Variants in GLOD4 observed in about 807,000 individuals in gnomAD.
GLOD4 encodes glyoxalase domain-containing protein 4.
GLOD4 carries 44 observed loss-of-function variants against 39.1 expected under a neutral mutation model. That is an observed-to-expected ratio of 1.13 (90% CI 0.88 to 1.45). The LOEUF is 1.45. GLOD4 is among the 40% of genes most tolerant of loss of function. GLOD4 has a pLI of 0.00. For synonymous variants in GLOD4, 145 were observed against 135.0 expected (o/e 1.07, Z -0.52); for missense variants, 405 against 366.4 (o/e 1.11, Z -0.86).
intron 4 of GLOD4, among the ~76,000 whole-genome samples, chr17:774,320 A>G (rs896099838): frequency 2.6e-5 from 4 of 152,198 alleles, no homozygotes; most frequent in African/African-American, 9.6e-5. Context: ...CCGACCAGTG[A>G]AGAAGGAGAA....
Position 759,852 on chromosome 17 carries a change from A to T in GLOD4, c.*321T>A, listed in dbSNP as rs1905169315. The T allele has an allele frequency of 3.4e-6, 1 of 293,182 alleles. No individual in the cohort carries two copies. Among genetic ancestry groups the T allele is most frequent in the South Asian group, 6.9e-5 (1 of 14,548 alleles). The allele number at this position is 293,182 out of a possible 1,614,324, so 18.2% of individuals were successfully genotyped here. On this transcript the variant is annotated 3_prime_UTR_variant, in exon 9 of 9. Transcript: ENST00000301329. ...TTCAGAGGTAACCCTAACTATCCGC[A>T]ATCCCAACCAAAGTCATGTTCATGC...
intron 8 of GLOD4, among the ~76,000 whole-genome samples, chr17:760,912 C>A (rs1360149046): frequency 2.0e-5 from 3 of 152,152 alleles, no homozygotes; most frequent in African/African-American, 4.8e-5. Flanking sequence ...CAGAGTGGGA[C>A]CCCGTCTCAT....
intron 4 of GLOD4, among the ~76,000 whole-genome samples, chr17:775,023 T>C (rs1908651334): frequency 6.7e-6 from 1 of 150,318 alleles, no homozygotes; most frequent in Non-Finnish European, 1.5e-5. Context: ...TGAGCCGAGA[T>C]TGCAGCACTG....
At chr17:760,931 A>T (rs1905314962) in intron 8 of GLOD4, among the ~76,000 whole-genome samples, 2 of 152,220 alleles carry the variant, frequency 1.3e-5, no homozygotes, top group Non-Finnish European at 2.9e-5. Context: ...ATATACATAC[A>T]TACAGATACA....
chr17:770,682 T>C, intron 5 of GLOD4, 175 bp from the exon 6 acceptor site: 1 of 480,830 alleles, frequency 2.1e-6, no homozygotes, highest in Non-Finnish European at 3.7e-6. Flanking sequence ...CTAGAAGCAC[T>C]GCACGCATCT....
rs148496651 is a variant in GLOD4, at chr17:770,429, G to C, written c.622C>G (p.Gln208Glu). The C allele has an allele frequency of 6.5e-7, 1 of 1,527,776 alleles. No homozygotes were observed. The highest frequency in any genetic ancestry group is 9.1e-7 in the Non-Finnish European group (1 of 1,101,246). 94.6% of individuals were successfully genotyped at this position (1,527,776 alleles called of 1,614,324 possible). The stretch of plus-strand genomic sequence containing the variant: ...CTGGTATCAAGCGTTACCTCTTTCT[G>C]GGGGCAAGAGAAGGCAATTCTTCCA... ...AFGRIAFSCP[Q>E]KELPDLEDLM... is the part of the protein sequence containing the mutation. The change falls in exon 6 of 9, where the codon CAG (glutamine) becomes GAG (glutamate). Residue 208 changes from glutamine (Q) to glutamate (E), a missense_variant. Transcript: ENST00000301329.
At chr17:766,816 T>G (rs1423099399) in intron 8 of GLOD4, among the ~76,000 whole-genome samples, 1 of 152,162 alleles carries the variant, frequency 6.6e-6, no homozygotes, top group Non-Finnish European at 1.5e-5. Context: ...GAAGAATCGC[T>G]TGACCCTGGG....
intron 8 of GLOD4, among the ~76,000 whole-genome samples, chr17:761,285 G>A (rs1195680301): frequency 6.6e-6 from 1 of 152,118 alleles, no homozygotes; most frequent in East Asian, 1.9e-4. Flanking sequence ...AAACAGTGAA[G>A]GTGAAAGTGG....
rs1905170581 is a variant in GLOD4 at position 759,865 on chromosome 17, G to C, written c.*308C>G. 3.2e-6 allele frequency: 1 copy of C among 317,212 alleles called. No individual in the cohort carries two copies. The highest frequency in any genetic ancestry group is 5.8e-6 in the Non-Finnish European group (1 of 172,200). 19.6% of individuals were successfully genotyped at this position (317,212 alleles called of 1,614,324 possible). On this transcript the variant is annotated 3_prime_UTR_variant, in exon 9 of 9. Coordinates refer to ENST00000301329, the MANE Select transcript of GLOD4 (RefSeq NM_016080.4). Reference sequence around the variant, plus strand: ...CTAACTATCCGCAATCCCAACCAAAGTCATGTTCATGCCGCTGTCCTAGTC... The same window carrying C: ...CTAACTATCCGCAATCCCAACCAAACTCATGTTCATGCCGCTGTCCTAGTC...
At position 778,756 on chromosome 17, in the gene GLOD4, T is replaced by C. The variant is rs375791355; in HGVS notation, c.91-12A>G. 1.5e-5 allele frequency: 23 copies of C among 1,580,536 alleles called. No homozygotes were observed. Among genetic ancestry groups the C allele is most frequent in the Middle Eastern group, 1.7e-4 (1 of 6,030 alleles). ...TCATGCCGCAGAACCTGGTGTGAGA[T>C]TTAGAATAAATTGTGAAGTGTTGCT... On this transcript the variant is annotated splice_polypyrimidine_tract_variant and intron_variant, in intron 1 of 8. Transcript: ENST00000301329.
upstream of GLOD4, chr17:783,282 G>C: frequency 6.2e-7 from 1 of 1,613,756 alleles, no homozygotes; most frequent in South Asian, 1.1e-5. Flanking sequence ...GAAATTTGAG[G>C]ATATCAAGGA....
At position 767,553 on chromosome 17, in the gene GLOD4, G is replaced by T. The variant is rs967983498; in HGVS notation, c.831+2316C>A. On this transcript the variant is annotated intron_variant, in intron 8 of 8. Transcript: ENST00000301329. ...TTTAGAGAAGAAATCTGGAGAGGACGTAAGAGAGAGAAACAGCGCACACTC... is the reference window on the plus strand; with the variant it reads ...TTTAGAGAAGAAATCTGGAGAGGACTTAAGAGAGAGAAACAGCGCACACTC... Among the ~76,000 whole-genome samples the T allele has an allele frequency of 1.6e-4, 24 of 147,184 alleles. No homozygotes were observed. In the South Asian group the frequency reaches 4.8e-3, roughly 30 times the overall value.
intron 5 of GLOD4, 134 bp from the exon 6 acceptor site, chr17:770,641 A>C (rs1172387502): frequency 3.3e-6 from 2 of 612,420 alleles, no homozygotes; most frequent in African/African-American, 1.8e-5. Context: ...CACCCCAGAG[A>C]CAACTAGTCC....
chr17:776,829 C>T (rs201943978), intron 3 of GLOD4, 39 bp downstream of exon 3: 3 of 1,552,838 alleles, frequency 1.9e-6, no homozygotes, highest in South Asian at 1.1e-5. Context: ...CAGCCACCTA[C>T]CCCCAGCCAA....
chr17:782,165 C>A lies in GLOD4; in HGVS notation c.90+1G>T, dbSNP rs1321900071. 1 of 1,598,806 alleles carries A rather than the reference C, an allele frequency of 6.3e-7. No individual in the cohort carries two copies. The highest frequency in any genetic ancestry group is 1.1e-5 in the South Asian group (1 of 89,876). On this transcript the variant is annotated splice_donor_variant, in intron 1 of 8. Coordinates refer to ENST00000301329, the MANE Select transcript of GLOD4 (RefSeq NM_016080.4). LOFTEE classifies it high-confidence loss of function. Reference sequence around the variant, plus strand: ...CAGCCCCTGTCGGCCCCGGCCTGCACCTTCATCCCCAGGACGTCCCGATAG... The same window carrying A: ...CAGCCCCTGTCGGCCCCGGCCTGCAACTTCATCCCCAGGACGTCCCGATAG...
chr17:773,408 A>G (rs1908330398), intron 4 of GLOD4, among the ~76,000 whole-genome samples: 1 of 152,222 alleles, frequency 6.6e-6, no homozygotes, highest in East Asian at 1.9e-4. Context: ...CTAAAAAAGG[A>G]TATACAGAAA....
At chr17:773,865 G>A (rs572571670) in intron 4 of GLOD4, among the ~76,000 whole-genome samples, 3 of 152,304 alleles carry the variant, frequency 2.0e-5, no homozygotes, top group African/African-American at 4.8e-5. Flanking sequence ...AAGTTAACGC[G>A]TGGGTGAAGC....
At chr17:777,058 C>G in intron 2 of GLOD4, 70 bp from the exon 3 acceptor site, 1 of 1,484,512 alleles carries the variant, frequency 6.7e-7, no homozygotes. Context: ...CAGAGAACTA[C>G]TGGGCACAGA....
At chr17:783,444 C>T, upstream of GLOD4, 1 of 1,064,502 alleles carries the variant, frequency 9.4e-7, no homozygotes, top group Non-Finnish European at 1.3e-6. Flanking sequence ...TCAAGGGATT[C>T]TCTTGCCTCA....
Sources: allele counts gnomAD v4.1 joint callset (sites outside exome capture counted in the v4.1 genomes callset), GRCh38; gene constraint gnomAD v4.1.1; transcripts MANE v1.5; gene names NCBI Gene and HGNC (gene_info 2026-07-23, HGNC 2026-07-21).